SNX14: variants seen among roughly 807,000 people sequenced by gnomAD.
SNX14 encodes the protein sorting nexin 14, also known as sorting nexin-14.
SNX14 carries 93 observed loss-of-function variants against 133.8 expected under a neutral mutation model. The observed-to-expected ratio is 0.70, with a 90% CI of 0.59 to 0.83. The LOEUF (loss-of-function observed/expected upper bound fraction) is 0.83. Ranked by LOEUF, SNX14 falls within the 40% of genes least tolerant of loss-of-function variation. SNX14 has a pLI of 0.00. For synonymous variants in SNX14, 368 were observed against 365.6 expected (o/e 1.01, Z -0.07); for missense variants, 945 against 1,094.9 (o/e 0.86, Z 1.93).
In SNX14 at chr6:85,524,117, G is replaced by A. The variant is rs192789409; in HGVS notation, c.2107+2009C>T. 9.5e-3 allele frequency among the ~76,000 whole-genome samples: 1,445 copies of A among 151,346 alleles called. 15 individuals carry two copies. The highest frequency in any genetic ancestry group is 0.015 in the Non-Finnish European group (1,019 of 67,792). ...GAACTGCTTGAACCCGGGAGGCGGA[G>A]GTTGCAGTGAGCCAAGATGGCACCA... On this transcript the variant is annotated intron_variant, in intron 21 of 28. Coordinates refer to ENST00000314673, the MANE Select transcript of SNX14 (RefSeq NM_153816.6).
intron 7 of SNX14, among the ~76,000 whole-genome samples, chr6:85,553,226 G>A (rs1477645278): frequency 2.0e-5 from 3 of 152,200 alleles, no homozygotes; most frequent in South Asian, 2.1e-4. Flanking sequence ...ACAGTACTAA[G>A]AAGGTAAATC....
At position 85,518,040 on chromosome 6, in the gene SNX14, T is replaced by C; in HGVS notation, c.2116A>G (p.Ile706Val). The change falls in exon 22 of 29, where the codon ATA becomes GTA. Residue 706 changes from isoleucine to valine, a missense_variant. By Grantham distance (29) the Ile-to-Val change is conservative. Transcript: ENST00000314673. ...ATTAGTTTTCCAGGAACAGATTTTA[T>C]AATTTTCCCTGCAATTAAAAGTAAA... ...ILPDVNLGKI[I>V]KSVPGKLMKE... 1 of 1,605,474 alleles carries C rather than the reference T, an allele frequency of 6.2e-7. No homozygotes were observed. The highest frequency in any genetic ancestry group is 8.5e-7 in the Non-Finnish European group (1 of 1,174,878).
Position 85,593,694 on chromosome 6 carries a change from C to G in SNX14, c.25G>C (p.Gly9Arg). The change falls in exon 1 of 29, where the codon GGG becomes CGG. Residue 9 changes from glycine (G) to arginine (R), a missense_variant. Gly to Arg is a moderately radical substitution (Grantham distance 125). This residue lies in a region of SNX14 where 514 missense variants were observed against 538.8 expected (regional missense o/e 0.95). Transcript: ENST00000314673. ...CGCAGCCGCTGCTTCAGCTTCTGCC[C>G]CATCGTCCGCACCCAGGGCACCATC... The part of the protein sequence containing the change: MVPWVRTM[G>R]QKLKQRLRLD... The G allele has an allele frequency of 6.2e-7, 1 of 1,613,644 alleles. No homozygotes were observed. The highest frequency in any genetic ancestry group is 8.5e-7 in the Non-Finnish European group (1 of 1,179,922).
intron 12 of SNX14, 68 bp from the exon 13 acceptor site, chr6:85,543,828 C>T (rs1013165701): frequency 2.0e-6 from 2 of 1,004,114 alleles, no homozygotes; most frequent in African/African-American, 3.4e-5. Context: ...AGCTTCAGTC[C>T]CATTCTAATT....
intron 7 of SNX14, among the ~76,000 whole-genome samples, chr6:85,554,044 C>G (rs1582882333): frequency 6.6e-6 from 1 of 151,952 alleles, no homozygotes; most frequent in East Asian, 1.9e-4. Flanking sequence ...ATAAGCAAAA[C>G]AGAGTGCTGG....
In SNX14 at chr6:85,574,322, T is replaced by G. The variant is rs1417956297; in HGVS notation, c.197A>C (p.Tyr66Ser). 6.3e-7 allele frequency: 1 copy of G among 1,592,394 alleles called. No individual in the cohort carries two copies. Among genetic ancestry groups the G allele is most frequent in the African/African-American group, 1.3e-5 (1 of 74,534 alleles). Residue 66 changes from tyrosine to serine, a missense_variant, in exon 2 of 29, where the codon TAC becomes TCC. Tyr to Ser is a moderately radical substitution (Grantham distance 144). This residue lies in a region of SNX14 where 514 missense variants were observed against 538.8 expected (regional missense o/e 0.95). Transcript: ENST00000314673. ...WSFVAGVVTF[Y>S]CSLGPDSLLP... ...GAGAGAATCAGGTCCTAGTGAGCAGTAGAATGTGACAACTCCAGCAACAAA... is the reference window on the plus strand; with the variant it reads ...GAGAGAATCAGGTCCTAGTGAGCAGGAGAATGTGACAACTCCAGCAACAAA...
intron 11 of SNX14, 29 bp from the exon 12 acceptor site, chr6:85,547,255 G>C (rs367982691): frequency 4.3e-6 from 7 of 1,611,218 alleles, no homozygotes; most frequent in Admixed American, 3.4e-5. Flanking sequence ...TTAAGTTTAA[G>C]CTATATAAAT....
chr6:85,586,873 G>C (rs1175596494), intron 1 of SNX14, among the ~76,000 whole-genome samples: 1 of 151,960 alleles, frequency 6.6e-6, no homozygotes, highest in Non-Finnish European at 1.5e-5. Context: ...CCCATGTTGG[G>C]AGTCTCCACT....
chr6:85,517,296 C>G (rs1244088886), intron 23 of SNX14, among the ~76,000 whole-genome samples: 27 of 152,212 alleles, frequency 1.8e-4, no homozygotes, highest in East Asian at 3.8e-4. Flanking sequence ...GCACTAAACA[C>G]CTTCTTGAGG....
intron 7 of SNX14, among the ~76,000 whole-genome samples, chr6:85,553,240 G>C (rs1196914594): frequency 6.6e-6 from 1 of 152,180 alleles, no homozygotes; most frequent in East Asian, 1.9e-4. Flanking sequence ...GTAAATCAAG[G>C]CTATCTGCAT....
intron 1 of SNX14, among the ~76,000 whole-genome samples, chr6:85,575,434 G>C (rs551679326): frequency 1.3e-5 from 2 of 152,304 alleles, no homozygotes; most frequent in South Asian, 4.1e-4. Context: ...TTCTGTCAGT[G>C]ACTGGTCACT....
intron 2 of SNX14, among the ~76,000 whole-genome samples, chr6:85,573,278 G>A (rs1182414973): frequency 3.3e-5 from 5 of 152,116 alleles, no homozygotes; most frequent in African/African-American, 4.8e-5. Flanking sequence ...TCAGGAGTTC[G>A]AGACCAGCCT....
intron 26 of SNX14, among the ~76,000 whole-genome samples, chr6:85,513,296 C>G: frequency 6.6e-6 from 1 of 152,202 alleles, no homozygotes; most frequent in East Asian, 1.9e-4. Flanking sequence ...TTTGTGATAT[C>G]TCTGTAACTT....
At position 85,582,456 on chromosome 6, in the gene SNX14, C is replaced by CA. The variant is rs543353965; in HGVS notation, c.141-8079dup. ...GAACTGAAGGAGATAGAGACACACA[C>CA]AAAAAAAACCTTCAAAAAAGCAATG... is the stretch of plus-strand genomic sequence containing the variant. On this transcript the variant is annotated intron_variant, in intron 1 of 28. Coordinates refer to ENST00000314673, the MANE Select transcript of SNX14 (RefSeq NM_153816.6). 1.2e-4 allele frequency among the ~76,000 whole-genome samples: 17 copies of CA among 146,890 alleles called. No homozygotes were observed. The East Asian group carries it at 1.2e-3, about 10-fold the overall frequency.
At chr6:85,536,750 G>A (rs758087402) in intron 17 of SNX14, 42 bp downstream of exon 17, 18 of 1,580,738 alleles carry the variant, frequency 1.1e-5, no homozygotes, top group Non-Finnish European at 1.4e-5. Context: ...GTCATAGTAA[G>A]TCTGAAGTTA....
intron 5 of SNX14, among the ~76,000 whole-genome samples, chr6:85,566,873 ATCTC>A (rs1794037176): frequency 1.3e-5 from 2 of 152,092 alleles, no homozygotes; most frequent in East Asian, 1.9e-4. Context: ...TATAAGTTGG[ATCTC>A]TCTAATTTCA....
intron 2 of SNX14, among the ~76,000 whole-genome samples, chr6:85,572,836 A>G (rs1024909762): frequency 6.6e-6 from 1 of 152,048 alleles, no homozygotes; most frequent in Non-Finnish European, 1.5e-5. Context: ...GCACATGCCT[A>G]TAATCCCAGC....
chr6:85,588,950 T>C, intron 1 of SNX14: 2 of 454,158 alleles, frequency 4.4e-6, no homozygotes, highest in Non-Finnish European at 4.4e-6. Flanking sequence ...GGTCTTGCTG[T>C]CTGAGGAATT....
intron 4 of SNX14, among the ~76,000 whole-genome samples, chr6:85,570,419 A>G (rs1795170444): frequency 6.6e-6 from 1 of 152,212 alleles, no homozygotes; most frequent in African/African-American, 2.4e-5. Flanking sequence ...ACAGAAATAT[A>G]ATGTAAGTTA....
Sources: allele counts gnomAD v4.1 joint callset (sites outside exome capture counted in the v4.1 genomes callset), GRCh38; gene constraint gnomAD v4.1.1; regional missense constraint gnomAD v4.1.1; transcripts MANE v1.5; gene names NCBI Gene and HGNC (gene_info 2026-07-23, HGNC 2026-07-21).